CCSER2: variants seen among roughly 807,000 people sequenced by gnomAD.
The protein encoded by CCSER2 is coiled-coil serine rich protein 2.
CCSER2 carries 46 observed loss-of-function variants against 92.3 expected under a neutral mutation model. The observed-to-expected ratio is 0.50, with a 90% CI of 0.39 to 0.64. CCSER2 has a LOEUF of 0.64. Among genes scored for constraint, CCSER2 ranks in the 30% least tolerant of loss-of-function variants. CCSER2 has a pLI of 0.00. For synonymous variants in CCSER2, 433 were observed against 431.4 expected (o/e 1.00, Z -0.04); for missense variants, 1,244 against 1,238.9 (o/e 1.00, Z -0.06).
At chr10:84,421,681 C>CT (rs1474560341) in intron 4 of CCSER2, among the ~76,000 whole-genome samples, 1 of 152,088 alleles carries the variant, frequency 6.6e-6, no homozygotes, top group African/African-American at 2.4e-5. Context: ...AAGTATGATA[C>CT]TTTTTCTCAA....
intron 6 of CCSER2, among the ~76,000 whole-genome samples, chr10:84,448,173 C>G (rs903118379): frequency 6.6e-6 from 1 of 151,982 alleles, no homozygotes; most frequent in African/African-American, 2.4e-5. Flanking sequence ...CCCTCCTTAC[C>G]CATTTTGGAT....
chr10:84,367,886 T>C (rs1345859474), intron 1 of CCSER2, among the ~76,000 whole-genome samples: 1 of 151,480 alleles, frequency 6.6e-6, no homozygotes, highest in African/African-American at 2.5e-5. Context: ...TGTATGGGCA[T>C]TTCTTTTTGT....
intron 3 of CCSER2, among the ~76,000 whole-genome samples, chr10:84,405,910 C>T (rs985757201): frequency 3.3e-5 from 5 of 152,168 alleles, no homozygotes; most frequent in Non-Finnish European, 7.4e-5. Context: ...AGTAAACATA[C>T]ACTCACTGTA....
rs770023890 is a variant in CCSER2 at position 84,518,321 on chromosome 10, T to A, written c.*4054T>A. 2 of 152,638 alleles carry A rather than the reference T, an allele frequency of 1.3e-5. No individual in the cohort carries two copies. Among genetic ancestry groups the A allele is most frequent in the Non-Finnish European group, 2.9e-5 (2 of 68,040 alleles). 9.5% of individuals were successfully genotyped at this position (152,638 alleles called of 1,614,324 possible). A position where few individuals can be genotyped will look rare whatever the true frequency, so the allele number is the denominator to read the frequency against. On this transcript the variant is annotated 3_prime_UTR_variant, in exon 10 of 10. Coordinates refer to ENST00000372088, the MANE Select transcript of CCSER2 (RefSeq NM_001284240.2). The stretch of plus-strand genomic sequence containing the variant: ...TACTTAACAAAATAATACCCGAGAA[T>A]GTAAGGTCTCTAAGTCATTACTAAC...
intron 5 of CCSER2, among the ~76,000 whole-genome samples, chr10:84,437,803 C>G (rs1455733537): frequency 6.7e-6 from 1 of 148,828 alleles, no homozygotes; most frequent in East Asian, 2.0e-4. Context: ...ACCTCCGCCT[C>G]CCAGGTTCAG....
intron 4 of CCSER2, among the ~76,000 whole-genome samples, chr10:84,422,718 CT>C (rs1411663594): frequency 3.3e-5 from 5 of 152,084 alleles, no homozygotes; most frequent in African/African-American, 1.2e-4. Flanking sequence ...TTCAGAGGGA[CT>C]TTTCTTTCTT....
intron 1 of CCSER2, among the ~76,000 whole-genome samples, chr10:84,353,324 G>A (rs1024694557): frequency 5.3e-5 from 8 of 152,078 alleles, no homozygotes; most frequent in African/African-American, 1.7e-4. Flanking sequence ...ATAGCAGCCC[G>A]AGCCAGCCCC....
At chr10:84,485,169 T>C (rs753930645) in intron 9 of CCSER2, among the ~76,000 whole-genome samples, 1 of 152,248 alleles carries the variant, frequency 6.6e-6, no homozygotes, top group Non-Finnish European at 1.5e-5. Context: ...AGTTACATTT[T>C]ACATAATTGT....
At chr10:84,436,766 A>T (rs990417718) in intron 5 of CCSER2, among the ~76,000 whole-genome samples, 3 of 152,190 alleles carry the variant, frequency 2.0e-5, no homozygotes, top group Non-Finnish European at 4.4e-5. Context: ...ATTTCTAAAA[A>T]TCTTTTTCTT....
chr10:84,379,280 A>G (rs1406946725), intron 3 of CCSER2, among the ~76,000 whole-genome samples: 1 of 152,016 alleles, frequency 6.6e-6, no homozygotes, highest in African/African-American at 2.4e-5. Context: ...TCTTATAGGG[A>G]CGTCTGCTTT....
At chr10:84,478,734 A>G (rs1383505561) in intron 9 of CCSER2, among the ~76,000 whole-genome samples, 2 of 152,222 alleles carry the variant, frequency 1.3e-5, no homozygotes, top group Admixed American at 1.3e-4. Context: ...GAAATTGGGA[A>G]TGCATTGATG....
chr10:84,389,809 G>A (rs1841424716), intron 3 of CCSER2, among the ~76,000 whole-genome samples: 1 of 152,224 alleles, frequency 6.6e-6, no homozygotes, highest in African/African-American at 2.4e-5. Flanking sequence ...TGGCCAGTGA[G>A]TGCTCCTTCA....
chr10:84,489,976 T>G (rs552518538), intron 9 of CCSER2, among the ~76,000 whole-genome samples: 2 of 152,224 alleles, frequency 1.3e-5, no homozygotes, highest in Non-Finnish European at 2.9e-5. Context: ...CTGTAAAGTA[T>G]TTTATTTCTC....
chr10:84,476,290 T>C (rs1371802730), intron 8 of CCSER2, among the ~76,000 whole-genome samples: 1 of 152,098 alleles, frequency 6.6e-6, no homozygotes, highest in Non-Finnish European at 1.5e-5. Flanking sequence ...GTAAATATTA[T>C]TAAAGTAGAA....
intron 8 of CCSER2, among the ~76,000 whole-genome samples, chr10:84,471,213 C>A (rs1589755477): frequency 6.6e-6 from 1 of 151,802 alleles, no homozygotes; most frequent in Non-Finnish European, 1.5e-5. Context: ...TCACGGAGAT[C>A]CATTTCATGA....
intron 1 of CCSER2, among the ~76,000 whole-genome samples, chr10:84,359,766 C>G (rs566437295): frequency 1.1e-4 from 16 of 152,154 alleles, no homozygotes; most frequent in African/African-American, 3.1e-4. Context: ...TTTCCTATCT[C>G]TTTCCCTGAT....
Position 84,373,599 on chromosome 10 carries a change from TA to T in CCSER2, c.1418-18del. 1 of 1,566,980 alleles carries T rather than the reference TA, an allele frequency of 6.4e-7. No homozygotes were observed. The highest frequency in any genetic ancestry group is 8.7e-7 in the Non-Finnish European group (1 of 1,143,220). Reference sequence around the variant, plus strand: ...AAACAATTATATTTTTGTGAATCAGTAACCTTTTTTCTCTTGAAGACAGGAG... The same window carrying T: ...AAACAATTATATTTTTGTGAATCAGTACCTTTTTTCTCTTGAAGACAGGAG... On this transcript the variant is annotated intron_variant, in intron 2 of 9. Coordinates refer to ENST00000372088, the MANE Select transcript of CCSER2 (RefSeq NM_001284240.2).
chr10:84,374,658 A>G (rs1846235660), intron 3 of CCSER2, among the ~76,000 whole-genome samples: 1 of 152,250 alleles, frequency 6.6e-6, no homozygotes, highest in Non-Finnish European at 1.5e-5. Flanking sequence ...GGCAAGTGTT[A>G]GAAGACCTGC....
chr10:84,482,901 A>G (rs1847538791), intron 9 of CCSER2, among the ~76,000 whole-genome samples: 1 of 152,204 alleles, frequency 6.6e-6, no homozygotes, highest in South Asian at 2.1e-4. Flanking sequence ...AATTCGATCT[A>G]ATGCTAATTT....
Sources: allele counts gnomAD v4.1 joint callset (sites outside exome capture counted in the v4.1 genomes callset), GRCh38; gene constraint gnomAD v4.1.1; transcripts MANE v1.5; gene names NCBI Gene and HGNC (gene_info 2026-07-23, HGNC 2026-07-21).